Variants in SLFN14 observed in about 807,000 individuals in gnomAD.
The protein encoded by SLFN14 is schlafen family member 14, also known as protein SLFN14.
Under a neutral mutation model 58.6 loss-of-function variants are expected in SLFN14, and 47 were observed. That is an observed-to-expected ratio of 0.80 (90% confidence interval 0.64 to 1.02). The LOEUF is 1.02. Ranked by LOEUF, SLFN14 falls within the 50% of genes least tolerant of loss-of-function variation. The pLI, the probability that SLFN14 is intolerant of heterozygous loss-of-function variation, is 0.00. For synonymous variants in SLFN14, 390 were observed against 387.3 expected (o/e 1.01, Z -0.08); for missense variants, 967 against 1,078.4 (o/e 0.90, Z 1.45).
chr17:35,557,193 TA>T lies in SLFN14; in HGVS notation c.869del (p.Val290GlufsTer8). ...CATTCAGGATTTTTGTAGTGAAATTTACCTTTGGCTTCTCACAGCAGAAGTG... is the reference window on the plus strand; with the variant it reads ...CATTCAGGATTTTTGTAGTGAAATTTCCTTTGGCTTCTCACAGCAGAAGTG... ...TFHFCCEKPK[V>X]NFTTKILNVY... On this transcript the variant is annotated frameshift_variant, in exon 3 of 6. Coordinates refer to ENST00000674182, the MANE Select transcript of SLFN14 (RefSeq NM_001129820.2). LOFTEE classifies it high-confidence loss of function. 1.9e-6 allele frequency: 3 copies of T among 1,551,736 alleles called. No homozygotes were observed. Among genetic ancestry groups the T allele is most frequent in the Non-Finnish European group, 2.6e-6 (3 of 1,146,998 alleles).
chr17:35,548,391 C>A lies in SLFN14; in HGVS notation c.2587G>T (p.Asp863Tyr). The change falls in exon 6 of 6, where the codon GAC (aspartate) becomes TAC (tyrosine). Residue 863 changes from aspartate (D) to tyrosine (Y), a missense_variant. Coordinates refer to ENST00000674182, the MANE Select transcript of SLFN14 (RefSeq NM_001129820.2). ...TGVWGSHIVL[D>Y]SIQQFSGLER... is the part of the protein sequence containing the mutation. ...AGGCCTGAAAATTGCTGAATACTGT[C>A]TAAAACAATGTGACTTCCCCAAACA... is the stretch of plus-strand genomic sequence containing the variant. 1 of 1,551,740 alleles carries A rather than the reference C, an allele frequency of 6.4e-7. No homozygotes were observed. Among genetic ancestry groups the A allele is most frequent in the Non-Finnish European group, 8.7e-7 (1 of 1,147,004 alleles).
Position 35,556,854 on chromosome 17 carries a change from A to G in SLFN14, c.1060+149T>C, listed in dbSNP as rs1393288043. ...ATATTCTGAGTCTTTGGAACTAAAA[A>G]TGTTAGATAAGGAACACTGTAATGG... On this transcript the variant is annotated intron_variant, in intron 3 of 5. Coordinates refer to ENST00000674182, the MANE Select transcript of SLFN14 (RefSeq NM_001129820.2). 4 of 768,452 alleles carry G rather than the reference A, an allele frequency of 5.2e-6. No homozygotes were observed. The South Asian group carries it at 6.6e-5, about 13-fold the overall frequency. 47.6% of individuals were successfully genotyped at this position (768,452 alleles called of 1,614,324 possible). A position where few individuals can be genotyped will look rare whatever the true frequency, so the allele number is the denominator to read the frequency against.
Position 35,551,887 on chromosome 17 carries a change from C to T in SLFN14, c.1904+843G>A, listed in dbSNP as rs139048710. Among the ~76,000 whole-genome samples the T allele has an allele frequency of 6.2e-3, 945 of 152,294 alleles. 8 individuals are homozygous for T. The highest frequency in any genetic ancestry group is 0.022 in the African/African-American group (901 of 41,556). On this transcript the variant is annotated intron_variant, in intron 5 of 5. Transcript: ENST00000674182. ...TGGGGCCTCCTCAGCCAATGGATGC[C>T]CCGGATTCTCCCCTTCTTAGGACCT...
rs778397949 is a variant in SLFN14 at position 35,553,044 on chromosome 17, G to A, written c.1590C>T (p.Pro530=). 3.9e-6 allele frequency: 6 copies of A among 1,551,496 alleles called. No homozygotes were observed. The highest frequency in any genetic ancestry group is 4.9e-5 in the East Asian group (2 of 40,932). The change falls in exon 5 of 6, where the codon CCC becomes CCT. Residue 530 remains proline, a synonymous_variant. Coordinates refer to ENST00000674182, the MANE Select transcript of SLFN14 (RefSeq NM_001129820.2). ...CCTCATCAGCAAGCCTGTAGGACCT[G>A]GGGTAACGCAGGGGGATCTCACCAG... The part of the protein sequence containing the change: ...SRPGEIPLRY[P]RSYRLADEEE...
intron 4 of SLFN14, among the ~76,000 whole-genome samples, chr17:35,554,303 TA>T (rs2142206049): frequency 6.8e-6 from 1 of 147,392 alleles, no homozygotes; most frequent in South Asian, 2.1e-4. Context: ...TATAGATATA[TA>T]AATATTATAT....
rs1266311567 is a variant in SLFN14 at position 35,558,070 on chromosome 17, G to A, written c.-8C>T. On this transcript the variant is annotated 5_prime_UTR_variant, in exon 3 of 6. Transcript: ENST00000674182. The stretch of plus-strand genomic sequence containing the variant: ...AGTCTTGAGACTCTCCATTTCAGCA[G>A]CCCCTCTGTGCTCCAAACAATAAAA... 1 of 1,547,294 alleles carries A rather than the reference G, an allele frequency of 6.5e-7. No homozygotes were observed. The highest frequency in any genetic ancestry group is 1.2e-5 in the South Asian group (1 of 83,874).
At position 35,552,849 on chromosome 17, in the gene SLFN14, T is replaced by C. The variant is rs2072608856; in HGVS notation, c.1785A>G (p.Pro595=). Residue 595 remains proline, a synonymous_variant, in exon 5 of 6, where the codon CCA becomes CCG. Transcript: ENST00000674182. ...TGGCTAGGGCTGTCTTCCTGACTCC[T>C]GGAAAGCAGTAGATGAATAATTCAC... The part of the protein sequence containing the change: ...KTRELFIYCF[P]GVRKTALAIK... 3 of 1,551,450 alleles carry C rather than the reference T, an allele frequency of 1.9e-6. No individual in the cohort carries two copies. The highest frequency in any genetic ancestry group is 2.6e-6 in the Non-Finnish European group (3 of 1,146,930).
In SLFN14 at chr17:35,548,569, G is replaced by T; in HGVS notation, c.2409C>A (p.His803Gln). 1 of 1,551,770 alleles carries T rather than the reference G, an allele frequency of 6.4e-7. No individual in the cohort carries two copies. Among genetic ancestry groups the T allele is most frequent in the Non-Finnish European group, 8.7e-7 (1 of 1,147,004 alleles). Residue 803 changes from histidine to glutamine, a missense_variant, in exon 6 of 6, where the codon CAC becomes CAA. His to Gln is a conservative substitution (Grantham distance 24). Transcript: ENST00000674182. Reference protein sequence around the residue: ...QIANYVARKCHSLFQCGYLPK... With the variant: ...QIANYVARKCQSLFQCGYLPK... ...GCAGATAGCCACACTGGAACAGGCT[G>T]TGACATTTTCTTGCCACATAGTTAG...
chr17:35,554,550 C>T, intron 4 of SLFN14, 26 bp downstream of exon 4: 1 of 1,514,296 alleles, frequency 6.6e-7, no homozygotes, highest in Non-Finnish European at 8.8e-7. Context: ...CAAATAGTCC[C>T]CTAAGTTGAA....
In SLFN14 at chr17:35,553,332, C is replaced by A; in HGVS notation, c.1302G>T (p.Gly434=). The change falls in exon 5 of 6, where the codon GGG becomes GGT. Residue 434 remains glycine (G), a synonymous_variant. Coordinates refer to ENST00000674182, the MANE Select transcript of SLFN14 (RefSeq NM_001129820.2). ...CCCAGCTTCTAGAAAATATCACAAT[C>A]CCCTGAGAACAAGGATGTATCAGGG... ...MKTLIHPCSQ[G]IVIFSRSWAG... 6.4e-7 allele frequency: 1 copy of A among 1,551,644 alleles called. No homozygotes were observed. The highest frequency in any genetic ancestry group is 8.7e-7 in the Non-Finnish European group (1 of 1,146,998).
At chr17:35,554,509 T>A in intron 4 of SLFN14, 67 bp downstream of exon 4, 1 of 1,416,276 alleles carries the variant, frequency 7.1e-7, no homozygotes, top group Non-Finnish European at 9.3e-7. Context: ...AACTCATTAC[T>A]ACTAACACCT....
Position 35,546,303 on chromosome 17 carries a change from G to T in SLFN14, c.*1936C>A, listed in dbSNP as rs568610688. Reference sequence around the variant, plus strand: ...AACTACCCTAAAGCCCCCAAGGAAAGGTAAAAAGGAAGAAACACCAGGTAA... The same window carrying T: ...AACTACCCTAAAGCCCCCAAGGAAATGTAAAAAGGAAGAAACACCAGGTAA... On this transcript the variant is annotated 3_prime_UTR_variant, in exon 6 of 6. Coordinates refer to ENST00000674182, the MANE Select transcript of SLFN14 (RefSeq NM_001129820.2). Among the ~76,000 whole-genome samples, 1 of 152,268 alleles carries T rather than the reference G, an allele frequency of 6.6e-6. No homozygotes were observed. The highest frequency in any genetic ancestry group is 1.9e-4 in the East Asian group (1 of 5,184).
In SLFN14 at chr17:35,558,071, C is replaced by A. The variant is rs2072671341; in HGVS notation, c.-9G>T. 2 of 1,547,410 alleles carry A rather than the reference C, an allele frequency of 1.3e-6. No individual in the cohort carries two copies. The highest frequency in any genetic ancestry group is 1.2e-5 in the South Asian group (1 of 83,864). ...GTCTTGAGACTCTCCATTTCAGCAG[C>A]CCCTCTGTGCTCCAAACAATAAAAG... is the stretch of plus-strand genomic sequence containing the variant. On this transcript the variant is annotated 5_prime_UTR_variant, in exon 3 of 6. Transcript: ENST00000674182.
Position 35,557,226 on chromosome 17 carries a change from A to G in SLFN14, c.837T>C (p.Pro279=), listed in dbSNP as rs1236538049. 6.4e-7 allele frequency: 1 copy of G among 1,551,630 alleles called. No homozygotes were observed. The highest frequency in any genetic ancestry group is 8.7e-7 in the Non-Finnish European group (1 of 1,146,998). The change falls in exon 3 of 6, where the codon CCT becomes CCC. Residue 279 remains proline (P), a synonymous_variant. Transcript: ENST00000674182. ...KEIENCIEKL[P]TFHFCCEKPK... is the part of the protein sequence containing the mutation. ...GCTTCTCACAGCAGAAGTGGAATGT[A>G]GGCAATTTTTCTATGCAGTTTTCGA...
Position 35,558,001 on chromosome 17 carries a change from C to G in SLFN14, c.62G>C (p.Arg21Thr). The G allele has an allele frequency of 6.4e-7, 1 of 1,551,608 alleles. No individual in the cohort carries two copies. The highest frequency in any genetic ancestry group is 8.7e-7 in the Non-Finnish European group (1 of 1,146,998). Residue 21 changes from arginine to threonine, a missense_variant, in exon 3 of 6, where the codon AGA (arginine) becomes ACA (threonine). Arg to Thr is a moderately conservative substitution (Grantham distance 71). Transcript: ENST00000674182. ...PYPEVIVDVG[R>T]VIFGEENRKK... ...CCTGTTTTCTTCTCCAAAAATCACT[C>G]TGCCCACATCTACTATTACCTCAGG...
intron 5 of SLFN14, among the ~76,000 whole-genome samples, chr17:35,552,337 C>T (rs944909477): frequency 6.6e-6 from 1 of 152,148 alleles, no homozygotes; most frequent in Non-Finnish European, 1.5e-5. Context: ...AAGGTGACCA[C>T]TTCCACCTTT....
At chr17:35,552,663 C>CATATATATATACACATATATATACAT (rs71366454) in intron 5 of SLFN14, 67 bp downstream of exon 5, 1 of 560,274 alleles carries the variant, frequency 1.8e-6, no homozygotes, top group Non-Finnish European at 2.8e-6. Flanking sequence ...TATATATACA[C>CATATATATATACACATATATATACAT]ATATATATAC....
rs1373196765 is a variant in SLFN14 at position 35,548,651 on chromosome 17, G to T, written c.2327C>A (p.Ala776Asp). 3.9e-6 allele frequency: 6 copies of T among 1,551,640 alleles called. No individual in the cohort carries two copies. The highest frequency in any genetic ancestry group is 5.2e-6 in the Non-Finnish European group (6 of 1,147,008). The change falls in exon 6 of 6, where the codon GCC becomes GAC. Residue 776 changes from alanine (A) to aspartate (D), a missense_variant. Physicochemically the swap from Ala to Asp is moderately radical, Grantham distance 126. Coordinates refer to ENST00000674182, the MANE Select transcript of SLFN14 (RefSeq NM_001129820.2). ...CTCACACACCCCAGGCAGAGCCTGG[G>T]CACACGTTGCTTCCTCATAGGCAGT... ...SETAYEEATC[A>D]QALPGVCETK... is the part of the protein sequence containing the mutation.
At chr17:35,552,357 G>A (rs1179094336) in intron 5 of SLFN14, among the ~76,000 whole-genome samples, 2 of 152,072 alleles carry the variant, frequency 1.3e-5, no homozygotes, top group African/African-American at 4.8e-5. Flanking sequence ...TAAACATGGG[G>A]CTTGCAACTT....
Sources: allele counts gnomAD v4.1 joint callset (sites outside exome capture counted in the v4.1 genomes callset), GRCh38; gene constraint gnomAD v4.1.1; transcripts MANE v1.5; gene names NCBI Gene and HGNC (gene_info 2026-07-23, HGNC 2026-07-21).